PARD3B: variants seen among roughly 807,000 people sequenced by gnomAD.
PARD3B encodes par-3 family cell polarity regulator beta.
In PARD3B, 103 loss-of-function variants were observed where a neutral mutation model predicts 130.2. That is an observed-to-expected ratio of 0.79 (90% CI 0.67 to 0.93). PARD3B has a LOEUF of 0.93. Among genes scored for constraint, PARD3B ranks in the 40% least tolerant of loss-of-function variants. The pLI, the probability that PARD3B is intolerant of heterozygous loss-of-function variation, is 0.00. For synonymous variants in PARD3B, 583 were observed against 553.2 expected, an observed-to-expected ratio of 1.05 and a Z score of -0.76; for missense variants, 1,609 against 1,499.2, an observed-to-expected ratio of 1.07 and a Z score of -1.21.
intron 2 of PARD3B, among the ~76,000 whole-genome samples, chr2:204,744,897 GTGAT>G (rs1171812932): frequency 6.6e-6 from 1 of 152,102 alleles, no homozygotes; most frequent in African/African-American, 2.4e-5. Context: ...GTAAAAGCAA[GTGAT>G]TGATTAATTG....
intron 2 of PARD3B, among the ~76,000 whole-genome samples, chr2:204,954,762 T>C (rs1690089942): frequency 6.6e-6 from 1 of 152,210 alleles, no homozygotes; most frequent in Non-Finnish European, 1.5e-5. Flanking sequence ...GAACATTCAG[T>C]GTGGTTTGCA....
At chr2:205,090,970 A>G (rs1027749909) in intron 4 of PARD3B, among the ~76,000 whole-genome samples, 2 of 152,186 alleles carry the variant, frequency 1.3e-5, no homozygotes, top group African/African-American at 4.8e-5. Context: ...TCAACTAACT[A>G]CCCATTTGGT....
intron 21 of PARD3B, among the ~76,000 whole-genome samples, chr2:205,508,752 T>G (rs922019426): frequency 5.9e-5 from 9 of 152,064 alleles, no homozygotes; most frequent in Non-Finnish European, 1.0e-4. Context: ...AACTGAGGAT[T>G]GGAAGCAATA....
At chr2:205,231,329 A>AT (rs770873231) in intron 15 of PARD3B, among the ~76,000 whole-genome samples, 12,705 of 141,580 alleles carry the variant, frequency 0.09, 656 homozygotes, top group East Asian at 0.25. Context: ...TAGATTAACT[A>AT]TTTTTTTTTT....
chr2:205,238,988 AGTG>A (rs1204009892), intron 15 of PARD3B, among the ~76,000 whole-genome samples: 3 of 148,754 alleles, frequency 2.0e-5, no homozygotes, highest in African/African-American at 4.9e-5. Flanking sequence ...AGCTGGCAAA[AGTG>A]GTGAGATGTG....
At chr2:205,381,097 A>ATTATATATT (rs1559035747) in intron 18 of PARD3B, among the ~76,000 whole-genome samples, 3 of 96,888 alleles carry the variant, frequency 3.1e-5, no homozygotes, top group African/African-American at 9.0e-5. Flanking sequence ...AAGAATATAT[A>ATTATATATT]ATATATAAAG....
At chr2:204,892,744 G>C (rs1369606795) in intron 2 of PARD3B, among the ~76,000 whole-genome samples, 1 of 152,162 alleles carries the variant, frequency 6.6e-6, no homozygotes, top group Non-Finnish European at 1.5e-5. Flanking sequence ...TGATGGATTA[G>C]ATGTGGGGAA....
At chr2:205,566,453 G>T (rs1167100627) in intron 22 of PARD3B, among the ~76,000 whole-genome samples, 3 of 152,168 alleles carry the variant, frequency 2.0e-5, no homozygotes, top group Non-Finnish European at 4.4e-5. Context: ...GCATGTGGGG[G>T]TTTGAAGGGT....
chr2:204,890,515 G>A lies in PARD3B; in HGVS notation c.223-74637G>A, dbSNP rs2046405930. 6.6e-6 allele frequency among the ~76,000 whole-genome samples: 1 copy of A among 152,136 alleles called. No homozygotes were observed. The highest frequency in any genetic ancestry group is 1.5e-5 in the Non-Finnish European group (1 of 68,026). ...TAAATTTATTGGGTAATTATTTAAA[G>A]GAACAGTATGTTAATGGATTTTCCT... On this transcript the variant is annotated intron_variant, in intron 2 of 22. Transcript: ENST00000406610. This position sits in a 1 kb window ranked among gnomAD's most constrained non-coding sequence, Gnocchi z 4.9.
At chr2:204,598,144 G>A (rs564652044) in intron 1 of PARD3B, among the ~76,000 whole-genome samples, 6 of 152,188 alleles carry the variant, frequency 3.9e-5, no homozygotes, top group African/African-American at 9.6e-5. Context: ...TTTCCATCCT[G>A]AAGTTGCAAC....
At chr2:204,847,909 A>G (rs888185536) in intron 2 of PARD3B, among the ~76,000 whole-genome samples, 4 of 152,178 alleles carry the variant, frequency 2.6e-5, no homozygotes, top group African/African-American at 4.8e-5. Context: ...GAGATTGTGA[A>G]GAAGGAAAAA....
intron 18 of PARD3B, among the ~76,000 whole-genome samples, chr2:205,331,740 G>A (rs1475410934): frequency 8.4e-6 from 1 of 118,746 alleles, no homozygotes; most frequent in Non-Finnish European, 1.6e-5. Context: ...CCAAGAATGA[G>A]CCATTCCACT....
intron 22 of PARD3B, among the ~76,000 whole-genome samples, chr2:205,608,031 C>T (rs1334249615): frequency 6.6e-6 from 1 of 152,094 alleles, no homozygotes; most frequent in Non-Finnish European, 1.5e-5. Context: ...GGAAAGGGGT[C>T]AGGTAAAGAT....
chr2:205,222,065 C>T (rs1420571696), intron 15 of PARD3B, among the ~76,000 whole-genome samples: 17 of 151,306 alleles, frequency 1.1e-4, no homozygotes, highest in Admixed American at 1.1e-3. Context: ...CACAAGTATA[C>T]CTAGGTAACA....
At chr2:205,324,832 G>A (rs2042884076) in intron 18 of PARD3B, among the ~76,000 whole-genome samples, 1 of 152,070 alleles carries the variant, frequency 6.6e-6, no homozygotes, top group African/African-American at 2.4e-5. Flanking sequence ...AATACATGAT[G>A]CTTACTAAAC....
At chr2:205,349,747 G>A (rs916021914) in intron 18 of PARD3B, among the ~76,000 whole-genome samples, 2 of 148,430 alleles carry the variant, frequency 1.3e-5, no homozygotes, top group Admixed American at 1.3e-4. Context: ...TATAATATTA[G>A]GAAGGAAATA....
At chr2:204,863,968 C>T (rs1462553013) in intron 2 of PARD3B, among the ~76,000 whole-genome samples, 1 of 151,614 alleles carries the variant, frequency 6.6e-6, no homozygotes, top group African/African-American at 2.4e-5. Flanking sequence ...GTTTATAATT[C>T]CAAAAAAAAG....
At chr2:205,522,259 G>A (rs1400607090) in intron 21 of PARD3B, among the ~76,000 whole-genome samples, 1 of 151,268 alleles carries the variant, frequency 6.6e-6, no homozygotes, top group East Asian at 1.9e-4. Flanking sequence ...GTATACTTCT[G>A]GAAGTGATAA....
intron 5 of PARD3B, among the ~76,000 whole-genome samples, chr2:205,106,998 C>T (rs1418666078): frequency 6.6e-6 from 1 of 152,128 alleles, no homozygotes; most frequent in South Asian, 2.1e-4. Flanking sequence ...TCCATATGCT[C>T]CTGGGGCAGG....
Sources: allele counts gnomAD v4.1 joint callset (sites outside exome capture counted in the v4.1 genomes callset), GRCh38; gene constraint gnomAD v4.1.1; non-coding constraint Gnocchi (gnomAD v3.1); transcripts MANE v1.5; gene names NCBI Gene and HGNC (gene_info 2026-07-23, HGNC 2026-07-21).